ZSWIM5: variants seen among roughly 807,000 people sequenced by gnomAD.
ZSWIM5 encodes the protein zinc finger SWIM domain-containing protein 5.
Under a neutral mutation model 119.6 loss-of-function variants are expected in ZSWIM5, and 55 were observed. The observed-to-expected ratio is 0.46, with a 90% CI of 0.37 to 0.58. The LOEUF is 0.58. Ranked by LOEUF, ZSWIM5 falls within the 20% of genes least tolerant of loss-of-function variation. The pLI is 0.00. For synonymous variants in ZSWIM5, 537 were observed against 606.9 expected (o/e 0.88, Z 1.69); for missense variants, 1,193 against 1,512.8 (o/e 0.79, Z 3.51).
chr1:45,091,491 TAAAAA>T (rs35089745), intron 1 of ZSWIM5, among the ~76,000 whole-genome samples: 6 of 104,318 alleles, frequency 5.8e-5, no homozygotes, highest in African/African-American at 1.9e-4. Context: ...ACCCTGTCTC[TAAAAA>T]AAAAAAAAAA....
chr1:45,044,740 A>AG, intron 5 of ZSWIM5, among the ~76,000 whole-genome samples: 7 of 11,568 alleles, frequency 6.1e-4, no homozygotes, highest in African/African-American at 1.5e-3. Flanking sequence ...AAAAAAAAAA[A>AG]AAAAAAATAT....
chr1:45,181,566 T>A (rs1646020181), intron 1 of ZSWIM5, among the ~76,000 whole-genome samples: 1 of 151,876 alleles, frequency 6.6e-6, no homozygotes, highest in Non-Finnish European at 1.5e-5. Flanking sequence ...ATTCAGATTC[T>A]GGAAATACAG....
chr1:45,039,422 A>G (rs890242464), intron 7 of ZSWIM5, among the ~76,000 whole-genome samples: 6 of 152,188 alleles, frequency 3.9e-5, no homozygotes, highest in East Asian at 1.9e-4. Flanking sequence ...GTCTCGCTCT[A>G]TCGCCCAGGC....
intron 1 of ZSWIM5, among the ~76,000 whole-genome samples, chr1:45,200,472 T>G (rs887072204): frequency 6.6e-6 from 1 of 152,192 alleles, no homozygotes; most frequent in Non-Finnish European, 1.5e-5. Context: ...GCACTAATTG[T>G]AAACCATAGT....
intron 2 of ZSWIM5, among the ~76,000 whole-genome samples, chr1:45,087,601 C>T (rs915948661): frequency 6.6e-6 from 1 of 152,184 alleles, no homozygotes; most frequent in African/African-American, 2.4e-5. Flanking sequence ...GGGTCTGCAT[C>T]GACAAAGTCC....
chr1:45,085,183 T>C (rs1477717435), intron 2 of ZSWIM5, among the ~76,000 whole-genome samples: 1 of 152,192 alleles, frequency 6.6e-6, no homozygotes, highest in Non-Finnish European at 1.5e-5. Context: ...CTAAGACATA[T>C]CTGGGGCCCT....
chr1:45,190,797 G>T (rs1272758820), intron 1 of ZSWIM5, among the ~76,000 whole-genome samples: 1 of 152,152 alleles, frequency 6.6e-6, no homozygotes, highest in Non-Finnish European at 1.5e-5. Flanking sequence ...AACGGCAACA[G>T]AAGCAGGACT....
At chr1:45,069,885 T>C in intron 2 of ZSWIM5, 1 of 462,264 alleles carries the variant, frequency 2.2e-6, no homozygotes, top group South Asian at 2.9e-5. Context: ...CTTCATTCTT[T>C]TCCACATTTC....
intron 1 of ZSWIM5, among the ~76,000 whole-genome samples, chr1:45,173,678 A>G (rs1033910698): frequency 1.3e-5 from 2 of 152,168 alleles, no homozygotes; most frequent in Non-Finnish European, 2.9e-5. Context: ...TGGGATAATA[A>G]TAGTACATAC....
intron 5 of ZSWIM5, among the ~76,000 whole-genome samples, chr1:45,048,423 A>G (rs1429320108): frequency 6.6e-6 from 1 of 152,160 alleles, no homozygotes; most frequent in Non-Finnish European, 1.5e-5. Flanking sequence ...GAGTTTTTCC[A>G]TCAGTGTATC....
intron 2 of ZSWIM5, among the ~76,000 whole-genome samples, chr1:45,076,021 A>C (rs576805294): frequency 6.6e-6 from 1 of 152,166 alleles, no homozygotes; most frequent in East Asian, 1.9e-4. Context: ...TCTACAACTT[A>C]ACTTCGTGCC....
chr1:45,206,209 C>T lies in ZSWIM5; in HGVS notation c.142G>A (p.Gly48Ser), dbSNP rs769461678. ...GCCCCGAGGACCAGGCAGCTGCTGCCGACGCCCCCTGCCCCTCCGCCGGCT... is the reference window on the plus strand; with the variant it reads ...GCCCCGAGGACCAGGCAGCTGCTGCTGACGCCCCCTGCCCCTCCGCCGGCT... ...GAAGGGAGGV[G>S]SSCLVLGARP... Residue 48 changes from glycine (G) to serine (S), a missense_variant, in exon 1 of 14, where the codon GGC becomes AGC. By Grantham distance (56) the Gly-to-Ser change is moderately conservative. Around this residue, in one of 2 missense-constraint regions of ZSWIM5, gnomAD observed 232 missense variants for 222.9 expected, o/e 1.04. Coordinates refer to ENST00000359600, the MANE Select transcript of ZSWIM5 (RefSeq NM_020883.2). The T allele has an allele frequency of 4.4e-6, 7 of 1,592,920 alleles. No individual in the cohort carries two copies. Among genetic ancestry groups the T allele is most frequent in the Admixed American group, 1.8e-5 (1 of 56,986 alleles).
chr1:45,064,239 T>G (rs1355863873), intron 2 of ZSWIM5, among the ~76,000 whole-genome samples: 2 of 152,224 alleles, frequency 1.3e-5, no homozygotes, highest in Non-Finnish European at 2.9e-5. Flanking sequence ...TTCTACATAG[T>G]ACTTTATTAT....
intron 1 of ZSWIM5, among the ~76,000 whole-genome samples, chr1:45,140,712 T>G (rs754842047): frequency 6.6e-6 from 1 of 152,168 alleles, no homozygotes; most frequent in Non-Finnish European, 1.5e-5. Flanking sequence ...ATAAATAGGT[T>G]AAAAAGATTA....
chr1:45,051,218 A>G lies in ZSWIM5; in HGVS notation c.1288T>C (p.Cys430Arg). The G allele has an allele frequency of 2.5e-6, 4 of 1,614,218 alleles. No individual in the cohort carries two copies. The highest frequency in any genetic ancestry group is 3.4e-6 in the Non-Finnish European group (4 of 1,180,036). The change falls in exon 5 of 14, where the codon TGC becomes CGC. Residue 430 changes from cysteine to arginine, a missense_variant. Transcript: ENST00000359600. Reference protein sequence around the residue: ...LWVCIILNPHCKLEEKSCWLQ... With the variant: ...LWVCIILNPHRKLEEKSCWLQ... ...CAGCAGGATTTCTCCTCCAGTTTGC[A>G]GTGTGGATTTAAAATTATGCACACC...
At chr1:45,180,238 C>T (rs1054892566) in intron 1 of ZSWIM5, among the ~76,000 whole-genome samples, 5 of 152,154 alleles carry the variant, frequency 3.3e-5, no homozygotes, top group Non-Finnish European at 4.4e-5. Flanking sequence ...CCGAATACTG[C>T]GCTTTTCCGA....
rs1645346015 is a variant in ZSWIM5 at position 45,088,630 on chromosome 1, C to T, written c.596-393G>A. Among the ~76,000 whole-genome samples the T allele has an allele frequency of 6.6e-6, 1 of 151,904 alleles. No homozygotes were observed. The highest frequency in any genetic ancestry group is 2.1e-4 in the South Asian group (1 of 4,794). On this transcript the variant is annotated intron_variant, in intron 1 of 13. Transcript: ENST00000359600. The surrounding 1 kb of genome is among the most constrained non-coding windows in gnomAD (Gnocchi z 4.2). The stretch of plus-strand genomic sequence containing the variant: ...CTCTAGGTGGTAGGCAAAGACAAGT[C>T]TACAAATAATATCTGTATAATCTAG...
At chr1:45,113,524 G>A (rs1049702833) in intron 1 of ZSWIM5, among the ~76,000 whole-genome samples, 13 of 152,136 alleles carry the variant, frequency 8.5e-5, no homozygotes, top group Non-Finnish European at 1.6e-4. Flanking sequence ...TTTAAATAAG[G>A]AAATGTCATG....
intron 1 of ZSWIM5, among the ~76,000 whole-genome samples, chr1:45,138,066 C>T (rs1645700405): frequency 6.6e-6 from 1 of 152,096 alleles, no homozygotes; most frequent in Admixed American, 6.6e-5. Flanking sequence ...ATGAAACTGC[C>T]TAAATATGTA....
Sources: gnomAD v4.1 joint callset for allele counts (sites outside exome capture counted in the v4.1 genomes callset) on GRCh38, gnomAD v4.1.1 for gene constraint, gnomAD v4.1.1 regional missense constraint, Gnocchi (gnomAD v3.1) non-coding constraint, MANE v1.5 for transcripts, NCBI Gene and HGNC (gene_info 2026-07-23, HGNC 2026-07-21) for gene names.